The following TMEM117 variants were observed in gnomAD, a reference collection of about 807,000 sequenced individuals.
TMEM117 encodes transmembrane protein 117.
TMEM117 carries 27 observed loss-of-function variants against 52.4 expected under a neutral mutation model. The observed-to-expected ratio is 0.51, with a 90% CI of 0.38 to 0.71. The LOEUF is 0.71. TMEM117 is among the 30% of genes least tolerant of loss of function. TMEM117 has a pLI of 0.00. For synonymous variants in TMEM117, 215 were observed against 206.3 expected, an observed-to-expected ratio of 1.04 and a Z score of -0.36; for missense variants, 556 against 630.5, an observed-to-expected ratio of 0.88 and a Z score of 1.26.
At chr12:44,100,449 G>A (rs1947842763) in intron 3 of TMEM117, among the ~76,000 whole-genome samples, 1 of 151,956 alleles carries the variant, frequency 6.6e-6, no homozygotes, top group Non-Finnish European at 1.5e-5. Context: ...TACTGCACAC[G>A]TTAATGCCTA....
intron 5 of TMEM117, among the ~76,000 whole-genome samples, chr12:44,223,260 T>C (rs1456922037): frequency 6.9e-6 from 1 of 145,978 alleles, no homozygotes; most frequent in Non-Finnish European, 1.5e-5. Context: ...AAGGGAAAGA[T>C]TTTTTTTTTT....
chr12:43,805,918 T>C, the TMEM117 span: 9 of 1,506,092 alleles, frequency 6.0e-6, no homozygotes, highest in Non-Finnish European at 8.0e-6. Context: ...GTTGGGCGAC[T>C]GTCGGGGACG....
At chr12:44,240,317 A>G (rs1017417980) in intron 5 of TMEM117, among the ~76,000 whole-genome samples, 4 of 152,150 alleles carry the variant, frequency 2.6e-5, no homozygotes, top group Admixed American at 1.3e-4. Context: ...TGAAAGGAAC[A>G]TGTCTCTTTC....
intron 3 of TMEM117, among the ~76,000 whole-genome samples, chr12:44,037,353 A>G (rs11182396): frequency 0.24 from 35,663 of 151,724 alleles, 7,532 homozygotes; most frequent in African/African-American, 0.57. Context: ...GCCTCTCCCC[A>G]CTCCTGATGC....
intron 2 of TMEM117, among the ~76,000 whole-genome samples, chr12:43,918,303 A>G (rs559676790): frequency 4.6e-5 from 7 of 152,280 alleles, no homozygotes; most frequent in East Asian, 1.9e-4. Flanking sequence ...GTTGATGGCT[A>G]TTTTTATGTC....
In TMEM117 at chr12:44,185,464, T is replaced by C. The variant is rs149369491; in HGVS notation, c.511-25826T>C. 2.4e-3 allele frequency among the ~76,000 whole-genome samples: 362 copies of C among 152,194 alleles called. 1 individual carries two copies. Among genetic ancestry groups the C allele is most frequent in the African/African-American group, 8.1e-3 (338 of 41,526 alleles). On this transcript the variant is annotated intron_variant, in intron 4 of 7. Transcript: ENST00000266534. ...TTGCATATCTTCTAAGAAGAGCTAG[T>C]CTATAAAAAGCAGAACAGAAAAGTG...
At chr12:44,329,910 A>G (rs1324869618) in intron 6 of TMEM117, among the ~76,000 whole-genome samples, 2 of 152,030 alleles carry the variant, frequency 1.3e-5, no homozygotes, top group African/African-American at 2.4e-5. Context: ...CCATTGATCT[A>G]TCCATGGACA....
At chr12:44,117,676 C>T (rs550154961) in intron 3 of TMEM117, among the ~76,000 whole-genome samples, 3 of 152,190 alleles carry the variant, frequency 2.0e-5, no homozygotes, top group African/African-American at 7.2e-5. Context: ...AATTCTAGAA[C>T]AACCTACCAC....
chr12:43,987,859 C>T (rs185450908), intron 3 of TMEM117, among the ~76,000 whole-genome samples: 1 of 152,068 alleles, frequency 6.6e-6, no homozygotes, highest in Non-Finnish European at 1.5e-5. Flanking sequence ...TGGCTTCCTC[C>T]AGGAAGTTGA....
At chr12:44,316,858 G>A (rs1197105606) in intron 6 of TMEM117, among the ~76,000 whole-genome samples, 1 of 151,820 alleles carries the variant, frequency 6.6e-6, no homozygotes. Context: ...TCTGTTTGGT[G>A]TAGTATATTG....
intron 6 of TMEM117, among the ~76,000 whole-genome samples, chr12:44,327,875 T>G (rs1462618035): frequency 2.0e-5 from 3 of 152,098 alleles, no homozygotes; most frequent in African/African-American, 7.2e-5. Flanking sequence ...ATTCCATATC[T>G]CCACACTTCC....
At chr12:44,009,882 A>G in intron 3 of TMEM117, 1 of 269,024 alleles carries the variant, frequency 3.7e-6, no homozygotes, top group Non-Finnish European at 7.9e-6. Flanking sequence ...TATTTCCAAG[A>G]TCTACTCTTT....
At chr12:43,862,292 G>A (rs757725716) in intron 2 of TMEM117, among the ~76,000 whole-genome samples, 6 of 152,086 alleles carry the variant, frequency 3.9e-5, no homozygotes, top group Non-Finnish European at 7.3e-5. Flanking sequence ...CCTCAGCCAC[G>A]GGAGTAGATG....
At chr12:44,050,308 C>G (rs1429559254) in intron 3 of TMEM117, among the ~76,000 whole-genome samples, 1 of 152,200 alleles carries the variant, frequency 6.6e-6, no homozygotes, top group Non-Finnish European at 1.5e-5. Flanking sequence ...TCCCAAGTAG[C>G]TGGGATTACA....
chr12:44,051,479 T>A (rs567833330), intron 3 of TMEM117, among the ~76,000 whole-genome samples: 1 of 152,284 alleles, frequency 6.6e-6, no homozygotes, highest in East Asian at 1.9e-4. Flanking sequence ...TAATTAAAAA[T>A]TATTGTGAAA....
chr12:44,108,285 A>T (rs888251537), intron 3 of TMEM117, among the ~76,000 whole-genome samples: 1 of 145,432 alleles, frequency 6.9e-6, no homozygotes, highest in Non-Finnish European at 1.5e-5. Context: ...TACATGTGCC[A>T]TGCTGGTGCG....
chr12:44,194,781 G>A (rs745315910), intron 4 of TMEM117, among the ~76,000 whole-genome samples: 6 of 152,072 alleles, frequency 3.9e-5, no homozygotes, highest in South Asian at 2.1e-4. Context: ...CAGTGAGCCC[G>A]GATTGAGCCA....
intron 5 of TMEM117, among the ~76,000 whole-genome samples, chr12:44,294,352 C>T (rs768873914): frequency 1.3e-4 from 20 of 152,290 alleles, no homozygotes; most frequent in Admixed American, 3.9e-4. Flanking sequence ...ATCCAATTGC[C>T]ATCAGTTGGA....
intron 2 of TMEM117, among the ~76,000 whole-genome samples, chr12:43,880,960 G>A (rs1943886024): frequency 6.6e-6 from 1 of 152,142 alleles, no homozygotes; most frequent in Non-Finnish European, 1.5e-5. Flanking sequence ...TTATGTTCTT[G>A]TTACCTGTGA....
Sources: gnomAD v4.1 joint callset for allele counts (sites outside exome capture counted in the v4.1 genomes callset) on GRCh38, gnomAD v4.1.1 for gene constraint, MANE v1.5 for transcripts, NCBI Gene and HGNC (gene_info 2026-07-23, HGNC 2026-07-21) for gene names.